The following FBXW8 variants were observed in gnomAD, a reference collection of about 807,000 sequenced individuals.
FBXW8 encodes F-box/WD repeat-containing protein 8.
Under a neutral mutation model 65.3 loss-of-function variants are expected in FBXW8, and 57 were observed. The observed-to-expected ratio is 0.87, with a 90% CI of 0.71 to 1.09. The LOEUF (loss-of-function observed/expected upper bound fraction) is 1.09. Ranked by LOEUF, FBXW8 falls within the 50% of genes least tolerant of loss-of-function variation. The pLI, the probability that FBXW8 is intolerant of heterozygous loss-of-function variation, is 0.00. For missense variants in FBXW8, 777 were observed against 814.8 expected, an observed-to-expected ratio of 0.95 and a Z score of 0.57; for synonymous variants, 308 against 330.2, an observed-to-expected ratio of 0.93 and a Z score of 0.73.
chr12:116,993,943 T>C lies in FBXW8; in HGVS notation c.1239+5074T>C, dbSNP rs189356241. 2.5e-3 allele frequency among the ~76,000 whole-genome samples: 375 copies of C among 152,344 alleles called. 1 individual carries two copies. Among genetic ancestry groups the C allele is most frequent in the Middle Eastern group, 0.01 (3 of 294 alleles). On this transcript the variant is annotated intron_variant, in intron 7 of 10. Coordinates refer to ENST00000652555, the MANE Select transcript of FBXW8 (RefSeq NM_153348.3). ...AGGGATCCAGTTTTATTTTTCTACA[T>C]GTGGTTATCCAATTTTCCCAGCACC...
intron 8 of FBXW8, among the ~76,000 whole-genome samples, chr12:117,014,469 C>T (rs1212279360): frequency 2.0e-5 from 3 of 152,142 alleles, no homozygotes; most frequent in Non-Finnish European, 4.4e-5. Context: ...GTCACATTTT[C>T]CCGTTTGGCT....
At chr12:116,971,075 G>A (rs1392446067) in intron 5 of FBXW8, among the ~76,000 whole-genome samples, 1 of 152,070 alleles carries the variant, frequency 6.6e-6, no homozygotes, top group Non-Finnish European at 1.5e-5. Context: ...TAAACATTCA[G>A]AAGGGAATTA....
intron 7 of FBXW8, chr12:117,002,992 T>A (rs1565936666): frequency 6.6e-6 from 1 of 152,376 alleles, no homozygotes; most frequent in South Asian, 2.1e-4. Context: ...GTCGTTTATG[T>A]GAGTAAATTC....
At chr12:116,987,739 A>C (rs1278738740) in intron 6 of FBXW8, among the ~76,000 whole-genome samples, 1 of 152,192 alleles carries the variant, frequency 6.6e-6, no homozygotes, top group Non-Finnish European at 1.5e-5. Flanking sequence ...AAAAACCCCA[A>C]CCTTTTATTT....
In FBXW8 at chr12:116,988,715, C is replaced by A; in HGVS notation, c.1085C>A (p.Ala362Asp). Residue 362 changes from alanine to aspartate, a missense_variant, in exon 7 of 11, where the codon GCC (alanine) becomes GAC (aspartate). By Grantham distance (126) the Ala-to-Asp change is moderately radical. Transcript: ENST00000652555. ...ACCAGAAGGTACCCTGTGGCAGTAG[C>A]CGCTGCTGGAGATCTGATGTACCTG... The part of the protein sequence containing the change: ...PETRRYPVAV[A>D]AAGDLMYLLK... 1.2e-6 allele frequency: 2 copies of A among 1,614,118 alleles called. No individual in the cohort carries two copies. The highest frequency in any genetic ancestry group is 1.7e-6 in the Non-Finnish European group (2 of 1,180,022).
chr12:117,020,882 C>T lies in FBXW8; in HGVS notation c.1368-3265C>T, dbSNP rs558422041. Reference sequence around the variant, plus strand: ...TTATCCAGCATTTTTAAGCGTTTTACAGTGGAACTGTCAACATGTTGTCTG... The same window carrying T: ...TTATCCAGCATTTTTAAGCGTTTTATAGTGGAACTGTCAACATGTTGTCTG... On this transcript the variant is annotated intron_variant, in intron 8 of 10. Coordinates refer to ENST00000652555, the MANE Select transcript of FBXW8 (RefSeq NM_153348.3). Among the ~76,000 whole-genome samples the T allele has an allele frequency of 9.2e-5, 14 of 152,358 alleles. 1 individual carries two copies. Among genetic ancestry groups the T allele is most frequent in the Admixed American group, 9.1e-4 (14 of 15,302 alleles).
chr12:116,950,125 A>G (rs532171324), intron 4 of FBXW8: 33 of 162,662 alleles, frequency 2.0e-4, no homozygotes, highest in Admixed American at 1.9e-3. Flanking sequence ...TTGGCCACAC[A>G]TAATCTTCCT....
Position 117,028,100 on chromosome 12 carries a change from C to T in FBXW8, c.1725C>T (p.Cys575=), listed in dbSNP as rs763213984. 35 of 1,614,042 alleles carry T rather than the reference C, an allele frequency of 2.2e-5. No homozygotes were observed. Among genetic ancestry groups the T allele is most frequent in the Non-Finnish European group, 4.2e-6 (5 of 1,180,048 alleles). Residue 575 remains cysteine, a synonymous_variant, in exon 11 of 11, where the codon TGC becomes TGT. Transcript: ENST00000652555. This position sits in a 1 kb window ranked among gnomAD's most constrained non-coding sequence, Gnocchi z 4.1. ...CCTTCCAGAGCCCTCTCCCTGTCTG[C>T]CGTTCATCCTGTGACGCCATGGCCA... ...QLAFQSPLPV[C]RSSCDAMATH...
At chr12:116,984,176 C>T (rs1008575747) in intron 5 of FBXW8, among the ~76,000 whole-genome samples, 9 of 152,174 alleles carry the variant, frequency 5.9e-5, no homozygotes, top group African/African-American at 1.9e-4. Context: ...AAAGAAGAAT[C>T]AATGAAATGC....
chr12:117,024,410 C>A, intron 9 of FBXW8, 90 bp downstream of exon 9: 1 of 1,459,764 alleles, frequency 6.9e-7, no homozygotes, highest in South Asian at 1.3e-5. Context: ...GTGCTAAATG[C>A]CCCCTACCCC....
rs1885594277 is a variant in FBXW8 at position 116,985,288 on chromosome 12, C to T, written c.918C>T (p.Ala306=). The change falls in exon 6 of 11, where the codon GCC becomes GCT. Residue 306 remains alanine, a synonymous_variant. Transcript: ENST00000652555. Reference sequence around the variant, plus strand: ...ACGATGCAAGAATACAGGCACTAGCCCTCAGCCAGGACGATGCAACCGTGG... The same window carrying T: ...ACGATGCAAGAATACAGGCACTAGCTCTCAGCCAGGACGATGCAACCGTGG... ...FEHDARIQAL[A]LSQDDATVAT... is the part of the protein sequence containing the mutation. 2 of 1,614,150 alleles carry T rather than the reference C, an allele frequency of 1.2e-6. No homozygotes were observed. Among genetic ancestry groups the T allele is most frequent in the Non-Finnish European group, 1.7e-6 (2 of 1,180,028 alleles).
At chr12:116,987,545 C>T (rs1217830981) in intron 6 of FBXW8, among the ~76,000 whole-genome samples, 1 of 152,192 alleles carries the variant, frequency 6.6e-6, no homozygotes, top group African/African-American at 2.4e-5. Flanking sequence ...TCCTTACCCT[C>T]TGGTGGCCAA....
chr12:116,946,606 C>G, intron 3 of FBXW8, among the ~76,000 whole-genome samples: 1 of 152,210 alleles, frequency 6.6e-6, no homozygotes, highest in Non-Finnish European at 1.5e-5. Flanking sequence ...CCCTCCCAGT[C>G]GAGAACCACT....
intron 2 of FBXW8, among the ~76,000 whole-genome samples, chr12:116,944,850 A>G (rs978741938): frequency 2.0e-5 from 3 of 152,202 alleles, no homozygotes; most frequent in African/African-American, 4.8e-5. Flanking sequence ...AAATATATAC[A>G]TATGTTTAAA....
At chr12:116,938,042 T>G (rs1292319760) in intron 2 of FBXW8, among the ~76,000 whole-genome samples, 1 of 152,126 alleles carries the variant, frequency 6.6e-6, no homozygotes, top group African/African-American at 2.4e-5. Flanking sequence ...ACTTGCTAGA[T>G]TTCATAAAAC....
intron 6 of FBXW8, chr12:116,987,405 G>A (rs1022621729): frequency 6.6e-6 from 1 of 152,310 alleles, no homozygotes; most frequent in Non-Finnish European, 1.5e-5. Context: ...TGGGCCGCCT[G>A]TGGATGGACA....
At chr12:116,994,980 C>A (rs1293993384) in intron 7 of FBXW8, among the ~76,000 whole-genome samples, 1 of 152,260 alleles carries the variant, frequency 6.6e-6, no homozygotes, top group African/African-American at 2.4e-5. Flanking sequence ...GCATCCCCTT[C>A]CCCTAGTGGT....
intron 1 of FBXW8, among the ~76,000 whole-genome samples, chr12:116,920,266 G>A (rs1425242446): frequency 6.6e-6 from 1 of 152,206 alleles, no homozygotes; most frequent in Non-Finnish European, 1.5e-5. Context: ...GTGTATACTA[G>A]AACAACTTGT....
intron 1 of FBXW8, among the ~76,000 whole-genome samples, chr12:116,927,471 A>G (rs1220253592): frequency 6.6e-6 from 1 of 152,126 alleles, no homozygotes; most frequent in East Asian, 1.9e-4. Flanking sequence ...AGCAGTGTCT[A>G]CTTGTTTACT....
Sources: gnomAD v4.1 joint callset for allele counts (sites outside exome capture counted in the v4.1 genomes callset) on GRCh38, gnomAD v4.1.1 for gene constraint, Gnocchi (gnomAD v3.1) non-coding constraint, MANE v1.5 for transcripts, NCBI Gene and HGNC (gene_info 2026-07-23, HGNC 2026-07-21) for gene names.